Variants in WASHC2A observed in about 807,000 individuals in gnomAD.
The protein encoded by WASHC2A is WASH complex subunit 2A, also known as WASH complex subunit FAM21A.
In WASHC2A, 82 loss-of-function variants were observed where a neutral mutation model predicts 140.3. The observed-to-expected ratio is 0.58, with a 90% confidence interval of 0.49 to 0.70. The LOEUF (loss-of-function observed/expected upper bound fraction) is 0.70, where lower values mean the gene tolerates loss of function less well. WASHC2A is among the 30% of genes least tolerant of loss of function. The probability of loss-of-function intolerance (pLI) is 0.00; values close to 1 mark genes in which losing one functional copy is unlikely to be tolerated. For missense variants in WASHC2A, 985 were observed against 1,521.8 expected (o/e 0.65, Z 5.87); for synonymous variants, 340 against 560.8 (o/e 0.61, Z 5.56).
At chr10:50,080,296 AT>A (rs572122844) in intron 4 of WASHC2A, among the ~76,000 whole-genome samples, 20 of 149,456 alleles carry the variant, frequency 1.3e-4, no homozygotes, top group South Asian at 6.3e-4. Context: ...ATTGTCCAGT[AT>A]TTTTTTTTTG....
chr10:50,078,971 T>G (rs1445044016), intron 4 of WASHC2A, among the ~76,000 whole-genome samples: 4 of 151,836 alleles, frequency 2.6e-5, no homozygotes, highest in Non-Finnish European at 4.4e-5. Flanking sequence ...GTCAGCAAAC[T>G]TCTTTTGTAA....
At chr10:50,093,785 C>T in intron 12 of WASHC2A, 75 bp from the exon 13 acceptor site, 1 of 640,880 alleles carries the variant, frequency 1.6e-6, no homozygotes, top group East Asian at 2.7e-5. Context: ...GTTATTTTTC[C>T]TTAGGAATCC....
chr10:50,112,167 A>T, intron 20 of WASHC2A: 2 of 982,816 alleles, frequency 2.0e-6, no homozygotes, highest in Non-Finnish European at 2.4e-6. Context: ...GCTTATTCCC[A>T]TGAGTGTCCA....
intron 2 of WASHC2A, 169 bp from the exon 3 acceptor site, chr10:50,069,378 C>T (rs1277584692): frequency 1.9e-5 from 20 of 1,050,928 alleles, no homozygotes; most frequent in Non-Finnish European, 2.3e-5. Flanking sequence ...GAGATGGCGC[C>T]ATTGTACTCC....
intron 16 of WASHC2A, 78 bp downstream of exon 16, chr10:50,097,880 T>C: frequency 6.2e-7 from 1 of 1,605,002 alleles, no homozygotes; most frequent in Non-Finnish European, 8.5e-7. Context: ...CAGAGGGAAG[T>C]GCTGTTCCCT....
chr10:50,102,628 G>A (rs1483506415), intron 17 of WASHC2A, among the ~76,000 whole-genome samples: 1 of 147,594 alleles, frequency 6.8e-6, no homozygotes, highest in Non-Finnish European at 1.5e-5. Flanking sequence ...GAACTCATTA[G>A]GTCTATATTT....
intron 18 of WASHC2A, among the ~76,000 whole-genome samples, chr10:50,106,120 G>C (rs1182090040): frequency 2.0e-5 from 3 of 149,852 alleles, no homozygotes; most frequent in Non-Finnish European, 4.4e-5. Context: ...CAGCTGTTCT[G>C]CCTTCGAGTT....
chr10:50,132,677 C>G, intron 30 of WASHC2A, 129 bp from the exon 31 acceptor site: 1 of 1,519,370 alleles, frequency 6.6e-7, no homozygotes, highest in Non-Finnish European at 9.1e-7. Flanking sequence ...GGCTTGAGTT[C>G]TAGGTTAGTG....
chr10:50,079,949 C>T (rs1405010293), intron 4 of WASHC2A, among the ~76,000 whole-genome samples: 4 of 149,160 alleles, frequency 2.7e-5, no homozygotes, highest in South Asian at 2.2e-4. Context: ...GACTTCAGTA[C>T]TTGAGATAAA....
chr10:50,079,177 G>A lies in WASHC2A; in HGVS notation c.354+440G>A, dbSNP rs1218081526. On this transcript the variant is annotated intron_variant, in intron 4 of 30. Transcript: ENST00000282633. ...GATTTCTTTTTCTTCCACTCAGGAA[G>A]GCACATGGACTGTGAATAAGTTTAT... Among the ~76,000 whole-genome samples, 8 of 150,300 alleles carry A rather than the reference G, an allele frequency of 5.3e-5. No individual in the cohort carries two copies. In the East Asian group the frequency reaches 1.4e-3, roughly 26 times the overall value.
intron 3 of WASHC2A, among the ~76,000 whole-genome samples, chr10:50,078,392 A>C (rs1434919955): frequency 5.9e-5 from 9 of 152,100 alleles, no homozygotes; most frequent in Non-Finnish European, 1.0e-4. Context: ...CTGATATCTT[A>C]CTGTTTTTGC....
Position 50,095,147 on chromosome 10 carries a change from G to C in WASHC2A, c.1181-1G>C, listed in dbSNP as rs2132616589. The C allele has an allele frequency of 1.9e-6, 3 of 1,572,950 alleles. No individual in the cohort carries two copies. In the South Asian group the frequency reaches 3.5e-5, roughly 18 times the overall value. On this transcript the variant is annotated splice_acceptor_variant, in intron 13 of 30. Transcript: ENST00000282633. LOFTEE classifies it high-confidence loss of function. ...GGTTACCCCTTGCTTTCTCATTCTA[G>C]AGTCTTCATCATCCAAACCTGGAAA...
chr10:50,087,300 A>G lies in WASHC2A; in HGVS notation c.710A>G (p.His237Arg). 2 of 1,614,000 alleles carry G rather than the reference A, an allele frequency of 1.2e-6. No individual in the cohort carries two copies. Among genetic ancestry groups the G allele is most frequent in the Non-Finnish European group, 1.7e-6 (2 of 1,179,866 alleles). ...GAGTCAGATGAAGATTTTGCCCATCATAGTGACAATGAACAAAACCGGGTA... is the reference window on the plus strand; with the variant it reads ...GAGTCAGATGAAGATTTTGCCCATCGTAGTGACAATGAACAAAACCGGGTA... ...EEESDEDFAH[H>R]SDNEQNRHTT... Residue 237 changes from histidine (H) to arginine (R), a missense_variant, in exon 8 of 31, where the codon CAT becomes CGT. Coordinates refer to ENST00000282633, the MANE Select transcript of WASHC2A (RefSeq NM_001005751.3).
chr10:50,101,303 T>C (rs1157533524), intron 17 of WASHC2A, among the ~76,000 whole-genome samples: 8 of 152,310 alleles, frequency 5.3e-5, no homozygotes, highest in South Asian at 2.1e-4. Context: ...CCCCTGCCAC[T>C]CTGAGGAATG....
chr10:50,109,498 G>C (rs1268138155), intron 19 of WASHC2A, among the ~76,000 whole-genome samples: 1 of 152,002 alleles, frequency 6.6e-6, no homozygotes, highest in Admixed American at 6.6e-5. Context: ...AATTAATGTT[G>C]ATTCCCTGAA....
chr10:50,094,811 T>C (rs1202458415), intron 13 of WASHC2A, among the ~76,000 whole-genome samples: 1 of 150,988 alleles, frequency 6.6e-6, no homozygotes, highest in Admixed American at 6.7e-5. Context: ...TGGGTAGAGG[T>C]GGAACTGTTT....
chr10:50,074,877 C>G (rs1554877285), intron 3 of WASHC2A, among the ~76,000 whole-genome samples: 1 of 152,114 alleles, frequency 6.6e-6, no homozygotes, highest in East Asian at 1.9e-4. Flanking sequence ...GATCCTGCCA[C>G]TGCACTTCAG....
chr10:50,103,274 T>C (rs11497822), intron 17 of WASHC2A, among the ~76,000 whole-genome samples: 3 of 147,574 alleles, frequency 2.0e-5, no homozygotes, highest in Non-Finnish European at 3.0e-5. Flanking sequence ...AAAAGAAATA[T>C]GTCGGCCGGG....
rs1359368467 is a variant in WASHC2A at position 50,119,318 on chromosome 10, CTATCACT to C, written c.2296-267_2296-261del. On this transcript the variant is annotated intron_variant, in intron 22 of 30. Transcript: ENST00000282633. ...AGTGTGCATCAGGATTATAGCCATC[CTATCACT>C]TGATAGGAGAGAGGGACCCATGGTC... Among the ~76,000 whole-genome samples the C allele has an allele frequency of 1.6e-5, 2 of 125,424 alleles. 1 individual carries two copies. Among genetic ancestry groups the C allele is most frequent in the Non-Finnish European group, 3.5e-5 (2 of 57,028 alleles). 82.3% of individuals were successfully genotyped at this position (125,424 alleles called of 152,430 possible).
Sources: gnomAD v4.1 joint callset for allele counts (sites outside exome capture counted in the v4.1 genomes callset) on GRCh38, gnomAD v4.1.1 for gene constraint, MANE v1.5 for transcripts, NCBI Gene and HGNC (gene_info 2026-07-23, HGNC 2026-07-21) for gene names.